Variants in NF1 observed in about 807,000 individuals in gnomAD.
The protein encoded by NF1 is neurofibromin 1, also known as neurofibromin.
In NF1, 122 loss-of-function variants were observed where a neutral mutation model predicts 325.7. The ratio of observed to expected loss-of-function variants is 0.37; its 90% CI spans 0.32 to 0.44. The LOEUF (loss-of-function observed/expected upper bound fraction) is 0.44. Ranked by LOEUF, NF1 falls within the 20% of genes least tolerant of loss-of-function variation. NF1 has a pLI of 1.00. For missense variants in NF1, 2,140 were observed against 3,415.4 expected (o/e 0.63, Z 9.31); for synonymous variants, 1,091 against 1,186.0 (o/e 0.92, Z 1.65).
At chr17:31,272,147 G>A (rs1017378051) in intron 36 of NF1, 1 of 152,100 alleles carries the variant, frequency 6.6e-6, no homozygotes, top group Non-Finnish European at 1.5e-5. Context: ...TTCTTAAATA[G>A]TAAATTGAAA....
At chr17:31,166,426 T>C (rs1306201370) in intron 4 of NF1, among the ~76,000 whole-genome samples, 1 of 152,216 alleles carries the variant, frequency 6.6e-6, no homozygotes, top group Non-Finnish European at 1.5e-5. Context: ...TTATCTTTAG[T>C]GTGGCCTGTA....
chr17:31,181,221 G>C (rs1033697431), intron 5 of NF1, among the ~76,000 whole-genome samples: 2 of 152,106 alleles, frequency 1.3e-5, no homozygotes, highest in Non-Finnish European at 2.9e-5. Flanking sequence ...TGATGTCCAA[G>C]GCATATTTGC....
At chr17:31,325,671 C>G in intron 36 of NF1, 149 bp from the exon 37 acceptor site, 2 of 697,466 alleles carry the variant, frequency 2.9e-6, no homozygotes, top group East Asian at 2.7e-5. Context: ...CAAAAAACAA[C>G]TGATTTAAAA....
intron 15 of NF1, among the ~76,000 whole-genome samples, 166 bp from the exon 16 acceptor site, chr17:31,223,278 T>C (rs1257264085): frequency 6.6e-6 from 1 of 152,198 alleles, no homozygotes; most frequent in Non-Finnish European, 1.5e-5. Context: ...TTTCCTTTGA[T>C]TATAATGCTA....
At chr17:31,122,218 G>A (rs1199237177) in intron 1 of NF1, among the ~76,000 whole-genome samples, 3 of 152,118 alleles carry the variant, frequency 2.0e-5, no homozygotes, top group South Asian at 2.1e-4. Context: ...TAGGAAATTA[G>A]GGGCAACCTT....
intron 1 of NF1, among the ~76,000 whole-genome samples, chr17:31,147,624 A>G (rs1916668306): frequency 1.3e-5 from 2 of 152,226 alleles, no homozygotes; most frequent in South Asian, 2.1e-4. Flanking sequence ...TTTCCAAGGT[A>G]AGTACTGAGT....
intron 36 of NF1, among the ~76,000 whole-genome samples, chr17:31,294,053 C>T (rs2068408188): frequency 6.6e-6 from 1 of 152,146 alleles, no homozygotes; most frequent in African/African-American, 2.4e-5. Flanking sequence ...TCCCTCTCTC[C>T]TTCCTCACTT....
At chr17:31,295,179 C>T (rs781620525) in intron 36 of NF1, 2 of 1,614,072 alleles carry the variant, frequency 1.2e-6, no homozygotes, top group South Asian at 2.2e-5. Flanking sequence ...TTTGGCATGC[C>T]ACTAGTGATA....
chr17:31,318,772 G>A lies in NF1; in HGVS notation c.4836-7048G>A, dbSNP rs1403536582. 13 of 1,613,944 alleles carry A rather than the reference G, an allele frequency of 8.1e-6. No individual in the cohort carries two copies. Among genetic ancestry groups the A allele is most frequent in the Non-Finnish European group, 1.1e-5 (13 of 1,179,992 alleles). Reference sequence around the variant, plus strand: ...TTTAGAAGTTAAAGCTACGATGTGAGATGTTTCAGGCATGTTTGTAGAATT... The same window carrying A: ...TTTAGAAGTTAAAGCTACGATGTGAAATGTTTCAGGCATGTTTGTAGAATT... On this transcript the variant is annotated intron_variant, in intron 36 of 57. Transcript: ENST00000358273.
intron 36 of NF1, among the ~76,000 whole-genome samples, chr17:31,299,095 C>T (rs1267790610): frequency 6.6e-6 from 1 of 151,922 alleles, no homozygotes; most frequent in Admixed American, 6.6e-5. Flanking sequence ...TTGGGACATA[C>T]CAAATTGCTT....
intron 8 of NF1, 71 bp downstream of exon 8, chr17:31,182,736 CT>C: frequency 7.1e-7 from 1 of 1,411,974 alleles, no homozygotes; most frequent in Non-Finnish European, 9.8e-7. Context: ...GTGTGTATTA[CT>C]TTAGGCTTAT....
In NF1 at chr17:31,338,086, A is replaced by G. The variant is rs767980442; in HGVS notation, c.6766A>G (p.Ser2256Gly). ...AGCTCTTGTTGTCTTTGGGTGTATTAGCAAACGAGTGTCTCATGGGCAGAT... is the reference window on the plus strand; with the variant it reads ...AGCTCTTGTTGTCTTTGGGTGTATTGGCAAACGAGTGTCTCATGGGCAGAT... The part of the protein sequence containing the change: ...PRALVVFGCI[S>G]KRVSHGQIKQ... Residue 2256 changes from serine to glycine, a missense_variant, in exon 45 of 58, where the codon AGC (serine) becomes GGC (glycine). Physicochemically the swap from Ser to Gly is moderately conservative, Grantham distance 56 (BLOSUM62 0). Around this residue, in one of 10 missense-constraint regions of NF1, gnomAD observed 522 missense variants for 749.0 expected, o/e 0.70. Coordinates refer to ENST00000358273, the MANE Select transcript of NF1 (RefSeq NM_001042492.3). 2.5e-6 allele frequency: 4 copies of G among 1,614,002 alleles called. No individual in the cohort carries two copies. In the South Asian group the frequency reaches 4.4e-5, roughly 18 times the overall value.
At chr17:31,203,439 C>G (rs565283777) in intron 11 of NF1, among the ~76,000 whole-genome samples, 123 of 152,118 alleles carry the variant, frequency 8.1e-4, no homozygotes, top group Middle Eastern at 6.8e-3. Flanking sequence ...GGTAGTGATA[C>G]TTTATTATTA....
At chr17:31,187,824 A>C (rs2066270215) in intron 8 of NF1, among the ~76,000 whole-genome samples, 1 of 152,292 alleles carries the variant, frequency 6.6e-6, no homozygotes, top group South Asian at 2.1e-4. Flanking sequence ...ACCAGGAGAC[A>C]CAACAACGAT....
chr17:31,144,419 C>T (rs945176932), intron 1 of NF1, among the ~76,000 whole-genome samples: 12 of 152,268 alleles, frequency 7.9e-5, no homozygotes, highest in African/African-American at 2.9e-4. Flanking sequence ...TTATCTATTG[C>T]TGTATAATAA....
At chr17:31,185,452 T>C (rs188723870) in intron 8 of NF1, among the ~76,000 whole-genome samples, 2 of 152,286 alleles carry the variant, frequency 1.3e-5, no homozygotes, top group African/African-American at 4.8e-5. Context: ...ACTGGACTTA[T>C]TGGTGAGACG....
intron 36 of NF1, 68 bp from the exon 37 acceptor site, chr17:31,325,751 AT>A (rs2069323154): frequency 9.1e-7 from 1 of 1,093,856 alleles, no homozygotes. Flanking sequence ...AATAAAATTG[AT>A]TAGTGGCATC....
intron 30 of NF1, chr17:31,252,101 T>C (rs1386047570): frequency 4.6e-6 from 1 of 219,138 alleles, no homozygotes; most frequent in East Asian, 6.6e-5. Flanking sequence ...GCCTGGAGTT[T>C]TGGGGGTTTT....
intron 36 of NF1, chr17:31,296,061 C>T: frequency 1.2e-6 from 2 of 1,613,920 alleles, no homozygotes; most frequent in South Asian, 2.2e-5. Flanking sequence ...GGCAGGCTTT[C>T]AAGCCTGTTG....
Sources: gnomAD v4.1 joint callset for allele counts (sites outside exome capture counted in the v4.1 genomes callset) on GRCh38, gnomAD v4.1.1 for gene constraint, gnomAD v4.1.1 regional missense constraint, MANE v1.5 for transcripts, NCBI Gene and HGNC (gene_info 2026-07-23, HGNC 2026-07-21) for gene names.